BCAS3: variants seen among roughly 807,000 people sequenced by gnomAD.
BCAS3 encodes BCAS3 microtubule associated cell migration factor.
Under a neutral mutation model 116.1 loss-of-function variants are expected in BCAS3, and 53 were observed. The observed-to-expected ratio is 0.46, with a 90% CI of 0.37 to 0.57. The LOEUF (loss-of-function observed/expected upper bound fraction) is 0.57, where lower values mean the gene tolerates loss of function less well. BCAS3 is among the 20% of genes least tolerant of loss of function. The pLI is 0.00. For synonymous variants in BCAS3, 391 were observed against 408.2 expected (o/e 0.96, Z 0.51); for missense variants, 917 against 1,165.4 (o/e 0.79, Z 3.10).
At chr17:60,843,028 C>T (rs1265755378) in intron 7 of BCAS3, among the ~76,000 whole-genome samples, 2 of 151,870 alleles carry the variant, frequency 1.3e-5, no homozygotes, top group Admixed American at 1.3e-4. Flanking sequence ...TACAACACCA[C>T]ACCCAGCTAA....
At chr17:61,232,512 T>G (rs564583762) in intron 22 of BCAS3, among the ~76,000 whole-genome samples, 5 of 152,292 alleles carry the variant, frequency 3.3e-5, no homozygotes, top group African/African-American at 1.2e-4. Context: ...GTTGTATTCA[T>G]GGCAGTTCGG....
In BCAS3 at chr17:60,854,949, G is replaced by GTTTTTTT. The variant is rs1267985905; in HGVS notation, c.477-13612_477-13606dup. ...ATTTTTCTTATTTATTTTCAGTGAG[G>GTTTTTTT]TTTTTTTTTTTTTTTTTTTTTGTAG... On this transcript the variant is annotated intron_variant, in intron 7 of 23. Transcript: ENST00000407086. Among the ~76,000 whole-genome samples, 422 of 121,912 alleles carry GTTTTTTT rather than the reference G, an allele frequency of 3.5e-3. 19 individuals are homozygous for GTTTTTTT. Among genetic ancestry groups the GTTTTTTT allele is most frequent in the African/African-American group, 0.013 (357 of 28,174 alleles). The allele number at this position is 121,912 out of a possible 152,430, so 80.0% of individuals were successfully genotyped here. A position where few individuals can be genotyped will look rare whatever the true frequency, so the allele number is the denominator to read the frequency against.
In BCAS3 at chr17:61,136,006, C is replaced by CG. The variant is rs2076609971; in HGVS notation, c.2425+51443dup. 1.2e-5 allele frequency: 2 copies of CG among 160,748 alleles called. No individual in the cohort carries two copies. Among genetic ancestry groups the CG allele is most frequent in the Non-Finnish European group, 2.7e-5 (2 of 73,618 alleles). 10.0% of individuals were successfully genotyped at this position (160,748 alleles called of 1,614,324 possible). ...CTGCTGCTGCTGCTGCTCCTGTTTC[C>CG]GCTTCTGCCATGGCCACCGCCACTG... On this transcript the variant is annotated intron_variant, in intron 22 of 23. Coordinates refer to ENST00000407086, the MANE Select transcript of BCAS3 (RefSeq NM_017679.5). The surrounding 1 kb of genome is among the most constrained non-coding windows in gnomAD (Gnocchi z 4.4).
In BCAS3 at chr17:61,326,787, C is replaced by A. The variant is rs1233036066; in HGVS notation, c.2426-41540C>A. Among the ~76,000 whole-genome samples, 1 of 152,086 alleles carries A rather than the reference C, an allele frequency of 6.6e-6. No homozygotes were observed. Among genetic ancestry groups the A allele is most frequent in the African/African-American group, 2.4e-5 (1 of 41,384 alleles). ...TAAATCTACAGTCAGATCTATGGGTCTTCAGCACAGAAGAGGTGTTTGGTC... is the reference window on the plus strand; with the variant it reads ...TAAATCTACAGTCAGATCTATGGGTATTCAGCACAGAAGAGGTGTTTGGTC... On this transcript the variant is annotated intron_variant, in intron 22 of 23. Transcript: ENST00000407086. The surrounding 1 kb of genome is among the most constrained non-coding windows in gnomAD (Gnocchi z 5.3).
intron 22 of BCAS3, among the ~76,000 whole-genome samples, chr17:61,101,204 T>C (rs80346304): frequency 0.021 from 3,191 of 152,270 alleles, 40 homozygotes; most frequent in Middle Eastern, 0.068. Context: ...GGAAGAATGT[T>C]ATATTCAAGA....
At chr17:60,979,935 A>T (rs2062684634) in intron 14 of BCAS3, among the ~76,000 whole-genome samples, 1 of 151,874 alleles carries the variant, frequency 6.6e-6, no homozygotes, top group Non-Finnish European at 1.5e-5. Context: ...AATGTTCATC[A>T]AGGATATTGG....
chr17:60,829,000 G>A (rs577052154), intron 7 of BCAS3, among the ~76,000 whole-genome samples: 2 of 152,218 alleles, frequency 1.3e-5, no homozygotes, highest in African/African-American at 4.8e-5. Context: ...ATAATTTGCA[G>A]ATCAGCCCTT....
chr17:61,357,246 A>C, intron 22 of BCAS3, among the ~76,000 whole-genome samples: 2 of 136,672 alleles, frequency 1.5e-5, no homozygotes. Context: ...TATCTACAAA[A>C]AATAAATAAA....
chr17:61,320,970 A>G (rs569344365), intron 22 of BCAS3, among the ~76,000 whole-genome samples: 39 of 152,344 alleles, frequency 2.6e-4, no homozygotes, highest in African/African-American at 7.2e-4. Flanking sequence ...ATGCTGTGAT[A>G]TAGGCAAGGA....
In BCAS3 at chr17:61,015,769, A is replaced by G; in HGVS notation, c.1505A>G (p.Asp502Gly). ...TTTGTAGGGAAACTGAACAGCCAAG[A>G]CTCCTATAACAATTTTACCAACAAC... is the stretch of plus-strand genomic sequence containing the variant. ...SPLHGKLNSQ[D>G]SYNNFTNNNP... is the part of the protein sequence containing the mutation. Residue 502 changes from aspartate to glycine, a missense_variant, in exon 16 of 24, where the codon GAC becomes GGC. Transcript: ENST00000407086. The G allele has an allele frequency of 6.2e-7, 1 of 1,613,656 alleles. No individual in the cohort carries two copies. Among genetic ancestry groups the G allele is most frequent in the East Asian group, 2.2e-5 (1 of 44,842 alleles).
At position 61,282,154 on chromosome 17, in the gene BCAS3, T is replaced by C. The variant is rs964268049; in HGVS notation, c.2426-86173T>C. ...TCCTTTTTAAAGTATAAAGAAATTA[T>C]TTGGGACAGTTTTTCAGTGAACACA... On this transcript the variant is annotated intron_variant, in intron 22 of 23. Coordinates refer to ENST00000407086, the MANE Select transcript of BCAS3 (RefSeq NM_017679.5). The surrounding 1 kb of genome is among the most constrained non-coding windows in gnomAD (Gnocchi z 5.9). Among the ~76,000 whole-genome samples the C allele has an allele frequency of 6.6e-6, 1 of 152,252 alleles. No homozygotes were observed. The highest frequency in any genetic ancestry group is 1.5e-5 in the Non-Finnish European group (1 of 68,042).
Position 61,021,457 on chromosome 17 carries a change from G to A in BCAS3, c.1637+5556G>A, listed in dbSNP as rs2065870019. On this transcript the variant is annotated intron_variant, in intron 16 of 23. Transcript: ENST00000407086. The surrounding 1 kb of genome is among the most constrained non-coding windows in gnomAD (Gnocchi z 4.6). ...TAAGTAATGTAGTGGAAAAAATATGGAATTGGGAGTCTGAGGCCCTGGCTT... is the reference window on the plus strand; with the variant it reads ...TAAGTAATGTAGTGGAAAAAATATGAAATTGGGAGTCTGAGGCCCTGGCTT... Among the ~76,000 whole-genome samples the A allele has an allele frequency of 6.6e-6, 1 of 152,102 alleles. No individual in the cohort carries two copies. The highest frequency in any genetic ancestry group is 1.9e-4 in the East Asian group (1 of 5,194).
rs1300229167 is a variant in BCAS3, at chr17:61,368,059, C to G, written c.2426-268C>G. On this transcript the variant is annotated intron_variant, in intron 22 of 23. Transcript: ENST00000407086. This position sits in a 1 kb window ranked among gnomAD's most constrained non-coding sequence, Gnocchi z 6.0. ...CCCCGTCCCACTTCTTAAGGTGGTC[C>G]CTGAAGACCAGGGGAACCCTGTAGC... is the stretch of plus-strand genomic sequence containing the variant. 3.1e-6 allele frequency: 1 copy of G among 327,556 alleles called. No individual in the cohort carries two copies. The highest frequency in any genetic ancestry group is 5.5e-6 in the Non-Finnish European group (1 of 180,764). 20.3% of individuals were successfully genotyped at this position (327,556 alleles called of 1,614,324 possible).
At chr17:61,089,829 A>C (rs1016286438) in intron 22 of BCAS3, among the ~76,000 whole-genome samples, 2 of 150,670 alleles carry the variant, frequency 1.3e-5, no homozygotes, top group African/African-American at 4.9e-5. Flanking sequence ...ACCGCGCCCA[A>C]CCTGGGGGAA....
At chr17:60,709,000 G>A (rs1433442165) in intron 4 of BCAS3, among the ~76,000 whole-genome samples, 1 of 152,028 alleles carries the variant, frequency 6.6e-6, no homozygotes, top group Non-Finnish European at 1.5e-5. Context: ...TTTAAATGGT[G>A]TGGCTAGAAG....
rs1267498577 is a variant in BCAS3 at position 61,282,730 on chromosome 17, C to T, written c.2426-85597C>T. On this transcript the variant is annotated intron_variant, in intron 22 of 23. Transcript: ENST00000407086. The surrounding 1 kb of genome is among the most constrained non-coding windows in gnomAD (Gnocchi z 5.9). ...CCCTTCCAGAAGTCTCTATACCTCACTTTGAGAGAATTTCCATTTTGGTTT... is the reference window on the plus strand; with the variant it reads ...CCCTTCCAGAAGTCTCTATACCTCATTTTGAGAGAATTTCCATTTTGGTTT... Among the ~76,000 whole-genome samples, 1 of 152,172 alleles carries T rather than the reference C, an allele frequency of 6.6e-6. No homozygotes were observed. Among genetic ancestry groups the T allele is most frequent in the African/African-American group, 2.4e-5 (1 of 41,434 alleles).
rs200900454 is a variant in BCAS3, at chr17:61,004,368, GT to G, written c.1487-11371del. On this transcript the variant is annotated intron_variant, in intron 15 of 23. Coordinates refer to ENST00000407086, the MANE Select transcript of BCAS3 (RefSeq NM_017679.5). This position sits in a 1 kb window ranked among gnomAD's most constrained non-coding sequence, Gnocchi z 4.8. ...ACTTATCAAAAGGAAGATCTGAAATGTTTTTTTTTTTTAATTTGGAGAAAAA... is the reference window on the plus strand; with the variant it reads ...ACTTATCAAAAGGAAGATCTGAAATGTTTTTTTTTTTAATTTGGAGAAAAA... 1.0e-3 allele frequency among the ~76,000 whole-genome samples: 148 copies of G among 145,186 alleles called. No individual in the cohort carries two copies. The highest frequency in any genetic ancestry group is 1.6e-3 in the African/African-American group (62 of 39,934).
intron 5 of BCAS3, among the ~76,000 whole-genome samples, chr17:60,716,908 CTG>C: frequency 6.6e-6 from 1 of 152,182 alleles, no homozygotes; most frequent in Non-Finnish European, 1.5e-5. Context: ...ACATGCCAGA[CTG>C]TGTTGAAGGT....
chr17:61,080,586 A>AAAAAAATAC, intron 21 of BCAS3, among the ~76,000 whole-genome samples: 2 of 152,016 alleles, frequency 1.3e-5, no homozygotes, highest in East Asian at 3.9e-4. Context: ...AAACCCTACC[A>AAAAAAATAC]AAAAAATACA....
Sources: allele counts gnomAD v4.1 joint callset (sites outside exome capture counted in the v4.1 genomes callset), GRCh38; gene constraint gnomAD v4.1.1; non-coding constraint Gnocchi (gnomAD v3.1); transcripts MANE v1.5; gene names NCBI Gene and HGNC (gene_info 2026-07-23, HGNC 2026-07-21).